The following DHRS11 variants were observed in gnomAD, a reference collection of about 807,000 sequenced individuals.
DHRS11 encodes the protein dehydrogenase/reductase SDR family member 11.
Under a neutral mutation model 30.7 loss-of-function variants are expected in DHRS11, and 18 were observed. The observed-to-expected ratio is 0.59, with a 90% confidence interval of 0.41 to 0.87. The LOEUF (loss-of-function observed/expected upper bound fraction) is 0.87. DHRS11 is among the 40% of genes least tolerant of loss of function. DHRS11 has a pLI of 0.00. For missense variants in DHRS11, 300 were observed against 349.0 expected (o/e 0.86, Z 1.12); for synonymous variants, 123 against 139.6 (o/e 0.88, Z 0.84).
At chr17:36,599,404 C>G (rs991916404) in intron 4 of DHRS11, 1 of 575,382 alleles carries the variant, frequency 1.7e-6, no homozygotes. Context: ...CCCTAAGCCT[C>G]GGCCTTCTCA....
intron 4 of DHRS11, chr17:36,599,365 C>T (rs1009574852): frequency 2.5e-5 from 14 of 555,224 alleles, no homozygotes; most frequent in East Asian, 6.1e-5. Context: ...TCTTGAAGGC[C>T]GCATGATCGT....
intron 2 of DHRS11, 119 bp downstream of exon 2, chr17:36,595,299 TC>T: frequency 9.2e-7 from 1 of 1,091,326 alleles, no homozygotes; most frequent in Non-Finnish European, 1.3e-6. Context: ...AGCTTCGGGT[TC>T]CCACCTGGGG....
Position 36,592,843 on chromosome 17 carries a change from C to T in DHRS11, c.147+687C>T, listed in dbSNP as rs1250402920. On this transcript the variant is annotated intron_variant, in intron 1 of 6. Transcript: ENST00000618403. This position sits in a 1 kb window ranked among gnomAD's most constrained non-coding sequence, Gnocchi z 4.4. ...GGGAGGAATTTCTGTGCTAGGCTCT[C>T]TCTGGATGTGCCCTGTAAGCTCATT... 1.3e-5 allele frequency among the ~76,000 whole-genome samples: 2 copies of T among 152,246 alleles called. No individual in the cohort carries two copies. Among genetic ancestry groups the T allele is most frequent in the South Asian group, 2.1e-4 (1 of 4,826 alleles).
At chr17:36,594,621 C>G in intron 1 of DHRS11, 2 of 361,258 alleles carry the variant, frequency 5.5e-6, no homozygotes, top group East Asian at 1.0e-4. Context: ...ACCAAGTTAG[C>G]CAAGGCTGGT....
At position 36,595,143 on chromosome 17, in the gene DHRS11, T is replaced by C; in HGVS notation, c.320T>C (p.Leu107Pro). The C allele has an allele frequency of 6.2e-7, 1 of 1,613,946 alleles. No homozygotes were observed. Among genetic ancestry groups the C allele is most frequent in the South Asian group, 1.1e-5 (1 of 91,076 alleles). The change falls in exon 2 of 7, where the codon CTC becomes CCC. Residue 107 changes from leucine to proline, a missense_variant. Transcript: ENST00000618403. ...GGCTTGGCCCGGCCTGACACCCTGC[T>C]CTCAGGCAGCACCAGTGGTTGGAAG... ...NAGLARPDTL[L>P]SGSTSGWKDM...
At position 36,592,871 on chromosome 17, in the gene DHRS11, C is replaced by T. The variant is rs558818008; in HGVS notation, c.147+715C>T. Among the ~76,000 whole-genome samples, 1 of 152,104 alleles carries T rather than the reference C, an allele frequency of 6.6e-6. No homozygotes were observed. The highest frequency in any genetic ancestry group is 1.5e-5 in the Non-Finnish European group (1 of 68,020). On this transcript the variant is annotated intron_variant, in intron 1 of 6. Coordinates refer to ENST00000618403, the MANE Select transcript of DHRS11 (RefSeq NM_024308.4). The surrounding 1 kb of genome is among the most constrained non-coding windows in gnomAD (Gnocchi z 4.4). ...TGGATGTGCCCTGTAAGCTCATTCTCAGTGTCGGGCTAGTGCTTAGCTGCA... is the reference window on the plus strand; with the variant it reads ...TGGATGTGCCCTGTAAGCTCATTCTTAGTGTCGGGCTAGTGCTTAGCTGCA...
Position 36,592,151 on chromosome 17 carries a change from A to G in DHRS11, c.142A>G (p.Ile48Val). Residue 48 changes from isoleucine to valine, a missense_variant, in exon 1 of 7, where the codon ATC becomes GTC. Transcript: ENST00000618403. This position sits in a 1 kb window ranked among gnomAD's most constrained non-coding sequence, Gnocchi z 4.4. ...GGGCTGCGCCCGCACTGTGGGCAACATCGAGGTGAGGCCGGGCCGAGGGCG... is the reference window on the plus strand; with the variant it reads ...GGGCTGCGCCCGCACTGTGGGCAACGTCGAGGTGAGGCCGGGCCGAGGGCG... Reference protein sequence around the residue: ...VVGCARTVGNIEELAAECKSA... With the variant: ...VVGCARTVGNVEELAAECKSA... 7.8e-7 allele frequency: 1 copy of G among 1,284,690 alleles called. No homozygotes were observed. Among genetic ancestry groups the G allele is most frequent in the Non-Finnish European group, 9.8e-7 (1 of 1,015,664 alleles). The allele number at this position is 1,284,690 out of a possible 1,614,324, so 79.6% of individuals were successfully genotyped here. A position where few individuals can be genotyped will look rare whatever the true frequency, so the allele number is the denominator to read the frequency against.
At chr17:36,599,075 G>A in intron 4 of DHRS11, 25 bp downstream of exon 4, 1 of 1,607,656 alleles carries the variant, frequency 6.2e-7, no homozygotes, top group Non-Finnish European at 8.5e-7. Flanking sequence ...TAGCCCTGGT[G>A]GGCACAGGGT....
At chr17:36,599,937 G>C (rs754516567) in intron 5 of DHRS11, 35 bp from the exon 6 acceptor site, 1 of 1,611,124 alleles carries the variant, frequency 6.2e-7, no homozygotes. Context: ...AGTCCATTCT[G>C]TCCTTGTCTC....
At chr17:36,599,332 G>T (rs2074836720) in intron 4 of DHRS11, 2 of 557,934 alleles carry the variant, frequency 3.6e-6, no homozygotes, top group Non-Finnish European at 6.2e-6. Context: ...ACAGTGGCTG[G>T]AAACCGGGAC....
intron 4 of DHRS11, chr17:36,599,251 A>T (rs1293244666): frequency 2.1e-5 from 18 of 863,764 alleles, no homozygotes; most frequent in Middle Eastern, 3.6e-4. Flanking sequence ...GGAGCCAACG[A>T]CCAGACTTAG....
At position 36,600,175 on chromosome 17, in the gene DHRS11, A is replaced by T. The variant is rs781465733; in HGVS notation, c.755A>T (p.Gln252Leu). 1 of 1,614,128 alleles carries T rather than the reference A, an allele frequency of 6.2e-7. No homozygotes were observed. Among genetic ancestry groups the T allele is most frequent in the South Asian group, 1.1e-5 (1 of 91,084 alleles). ...TPAHIQIGDI[Q>L]MRPTEQVT The stretch of plus-strand genomic sequence containing the variant: ...TACCTTCCACAGATTGGAGACATCC[A>T]GATGAGGCCCACGGAGCAGGTGACC... The change falls in exon 7 of 7, where the codon CAG becomes CTG. Residue 252 changes from glutamine (Q) to leucine (L), a missense_variant. Gln to Leu is a moderately radical substitution (Grantham distance 113). Coordinates refer to ENST00000618403, the MANE Select transcript of DHRS11 (RefSeq NM_024308.4).
In DHRS11 at chr17:36,592,611, C is replaced by G. The variant is rs1019690386; in HGVS notation, c.147+455C>G. Reference sequence around the variant, plus strand: ...GAGCCTCAGCCCCGCCCCCTCACCTCGGGGGTAACTCATGCCCAGTGGCAT... The same window carrying G: ...GAGCCTCAGCCCCGCCCCCTCACCTGGGGGGTAACTCATGCCCAGTGGCAT... On this transcript the variant is annotated intron_variant, in intron 1 of 6. Coordinates refer to ENST00000618403, the MANE Select transcript of DHRS11 (RefSeq NM_024308.4). The surrounding 1 kb of genome is among the most constrained non-coding windows in gnomAD (Gnocchi z 4.4). Among the ~76,000 whole-genome samples, 1 of 152,124 alleles carries G rather than the reference C, an allele frequency of 6.6e-6. No individual in the cohort carries two copies. The highest frequency in any genetic ancestry group is 2.4e-5 in the African/African-American group (1 of 41,428).
intron 3 of DHRS11, chr17:36,598,570 T>G (rs376308800): frequency 5.9e-6 from 3 of 504,416 alleles, no homozygotes; most frequent in Admixed American, 3.6e-5. Context: ...TGTCTGCCAC[T>G]GGGGAGCCCC....
At chr17:36,597,890 T>G in intron 2 of DHRS11, 4 of 542,422 alleles carry the variant, frequency 7.4e-6, no homozygotes, top group South Asian at 2.2e-5. Context: ...GGGTCAGGAG[T>G]GGGTTTGAAG....
rs1409554567 is a variant in DHRS11, at chr17:36,595,996, A to G, written c.357+816A>G. Among the ~76,000 whole-genome samples the G allele has an allele frequency of 2.6e-5, 4 of 152,218 alleles. No homozygotes were observed. The South Asian group carries it at 6.2e-4, about 24-fold the overall frequency. ...TGGGATGAACACACCTCTATCATCAATATCTGGGGTCACAGCTCCAATGTC... is the reference window on the plus strand; with the variant it reads ...TGGGATGAACACACCTCTATCATCAGTATCTGGGGTCACAGCTCCAATGTC... On this transcript the variant is annotated intron_variant, in intron 2 of 6. Transcript: ENST00000618403.
chr17:36,594,661 C>T (rs2285641), intron 1 of DHRS11: 186,640 of 459,836 alleles, frequency 0.41, 39,256 homozygotes, highest in Middle Eastern at 0.45. Context: ...CTGGTCCACC[C>T]GCCTTGGCCT....
rs2074851710 is a variant in DHRS11 at position 36,600,511 on chromosome 17, C to G, written c.*308C>G. 1.8e-6 allele frequency: 1 copy of G among 540,628 alleles called. No homozygotes were observed. The highest frequency in any genetic ancestry group is 3.3e-6 in the Non-Finnish European group (1 of 301,976). 33.5% of individuals were successfully genotyped at this position (540,628 alleles called of 1,614,324 possible). A position where few individuals can be genotyped will look rare whatever the true frequency, so the allele number is the denominator to read the frequency against. On this transcript the variant is annotated 3_prime_UTR_variant, in exon 7 of 7. Coordinates refer to ENST00000618403, the MANE Select transcript of DHRS11 (RefSeq NM_024308.4). ...CTTTGACATGGGAAAGGAGTTGTGG[C>G]CAAAATCCCCATCTTCTTGCACCTC...
intron 1 of DHRS11, chr17:36,594,543 G>T (rs901976896): frequency 9.3e-6 from 2 of 214,206 alleles, no homozygotes; most frequent in Admixed American, 1.0e-4. Flanking sequence ...AGTGATTCTT[G>T]TGCCTCAGCC....
Sources: gnomAD v4.1 joint callset for allele counts (sites outside exome capture counted in the v4.1 genomes callset) on GRCh38, gnomAD v4.1.1 for gene constraint, Gnocchi (gnomAD v3.1) non-coding constraint, MANE v1.5 for transcripts, NCBI Gene and HGNC (gene_info 2026-07-23, HGNC 2026-07-21) for gene names.